Variants in COBL observed in about 807,000 individuals in gnomAD.
COBL encodes cordon-bleu WH2 repeat protein, also known as protein cordon-bleu.
A neutral mutation model predicts 98.8 loss-of-function variants in COBL; 51 were observed. That is an observed-to-expected ratio of 0.52 (90% CI 0.41 to 0.65). The LOEUF (loss-of-function observed/expected upper bound fraction) is 0.65, where lower values mean the gene tolerates loss of function less well. COBL is among the 30% of genes least tolerant of loss of function. The pLI is 0.00. For missense variants in COBL, 1,617 were observed against 1,617.5 expected (o/e 1.00, Z 0.01); for synonymous variants, 634 against 651.7 (o/e 0.97, Z 0.41).
intron 4 of COBL, among the ~76,000 whole-genome samples, 187 bp from the exon 5 acceptor site, chr7:51,184,386 A>G (rs910308272): frequency 1.3e-5 from 2 of 152,206 alleles, no homozygotes; most frequent in Non-Finnish European, 2.9e-5. Context: ...CATTTGGGAA[A>G]TCACTACAGG....
At chr7:51,082,177 T>A (rs1793718552) in intron 7 of COBL, among the ~76,000 whole-genome samples, 1 of 152,100 alleles carries the variant, frequency 6.6e-6, no homozygotes, top group Admixed American at 6.5e-5. Context: ...CAGAAAAGTA[T>A]GAACTTCCTA....
intron 7 of COBL, among the ~76,000 whole-genome samples, chr7:51,056,990 A>T (rs1267366381): frequency 6.6e-6 from 1 of 152,186 alleles, no homozygotes; most frequent in Non-Finnish European, 1.5e-5. Flanking sequence ...CCTTCTGAGT[A>T]GCCTGGTGAA....
chr7:51,184,667 T>C (rs1789314697), intron 4 of COBL, among the ~76,000 whole-genome samples: 1 of 152,226 alleles, frequency 6.6e-6, no homozygotes, highest in Admixed American at 6.5e-5. Flanking sequence ...ATATTTTACA[T>C]TGGTTTTGGT....
intron 1 of COBL, among the ~76,000 whole-genome samples, chr7:51,299,068 C>T (rs777971811): frequency 3.9e-5 from 6 of 152,174 alleles, no homozygotes; most frequent in Non-Finnish European, 8.8e-5. Context: ...GAGGTGTTGC[C>T]GGTGGGCACC....
At chr7:51,157,608 C>G (rs1384660075) in intron 5 of COBL, among the ~76,000 whole-genome samples, 1 of 152,182 alleles carries the variant, frequency 6.6e-6, no homozygotes, top group Non-Finnish European at 1.5e-5. Flanking sequence ...TCTCTTCTCC[C>G]TTTTCTTTTC....
At chr7:51,137,775 G>T (rs1290707695) in intron 5 of COBL, among the ~76,000 whole-genome samples, 1 of 152,128 alleles carries the variant, frequency 6.6e-6, no homozygotes, top group Non-Finnish European at 1.5e-5. Flanking sequence ...CTGGTAGGTG[G>T]AGGGCCCTTC....
At chr7:51,218,759 C>G (rs372674812) in intron 2 of COBL, among the ~76,000 whole-genome samples, 1 of 152,174 alleles carries the variant, frequency 6.6e-6, no homozygotes, top group South Asian at 2.1e-4. Flanking sequence ...TACAGGCCAC[C>G]GTGCCCAGCC....
In COBL at chr7:51,223,048, G is replaced by A. The variant is rs117023999; in HGVS notation, c.42-3104C>T. ...AGGTGGAGTCACGTGAATCACATAC[G>A]GTGTGTACTCCACCCTTCCCTCCAC... On this transcript the variant is annotated intron_variant, in intron 1 of 12. Transcript: ENST00000265136. Among the ~76,000 whole-genome samples the A allele has an allele frequency of 7.0e-4, 107 of 152,314 alleles. No homozygotes were observed. The East Asian group carries it at 0.017, about 24-fold the overall frequency.
intron 5 of COBL, among the ~76,000 whole-genome samples, chr7:51,177,805 A>C (rs966048624): frequency 4.0e-5 from 6 of 149,832 alleles, no homozygotes; most frequent in Non-Finnish European, 5.9e-5. Flanking sequence ...TAAATAAATA[A>C]ATAAATAAAT....
At chr7:51,295,688 G>T (rs532290126) in intron 1 of COBL, among the ~76,000 whole-genome samples, 17 of 152,272 alleles carry the variant, frequency 1.1e-4, no homozygotes, top group African/African-American at 4.1e-4. Flanking sequence ...CTGGCCTTCT[G>T]TAGGTCCCTA....
At chr7:51,193,354 T>C in intron 3 of COBL, 25 bp downstream of exon 3, 1 of 1,602,538 alleles carries the variant, frequency 6.2e-7, no homozygotes, top group Non-Finnish European at 8.5e-7. Flanking sequence ...CAGACACAGG[T>C]ATTTCCATGT....
chr7:51,289,890 G>C (rs1221866908), intron 1 of COBL, among the ~76,000 whole-genome samples: 1 of 152,214 alleles, frequency 6.6e-6, no homozygotes, highest in Non-Finnish European at 1.5e-5. Context: ...GCAGGACACA[G>C]ATTTGCTTTC....
chr7:51,202,370 A>T (rs575304980), intron 2 of COBL, among the ~76,000 whole-genome samples: 1 of 152,336 alleles, frequency 6.6e-6, no homozygotes, highest in East Asian at 1.9e-4. Context: ...TATTATAACA[A>T]TATGGTTACA....
At chr7:51,098,405 G>C (rs1312625808) in intron 6 of COBL, among the ~76,000 whole-genome samples, 1 of 151,886 alleles carries the variant, frequency 6.6e-6, no homozygotes, top group Non-Finnish European at 1.5e-5. Flanking sequence ...GTATGGTACT[G>C]ACATAGAGAA....
At chr7:51,301,344 T>G (rs563140075) in intron 1 of COBL, among the ~76,000 whole-genome samples, 10 of 152,312 alleles carry the variant, frequency 6.6e-5, no homozygotes, top group Admixed American at 6.5e-4. Context: ...CCTTCCTATC[T>G]GAGCAGGAGC....
At chr7:51,042,300 T>C (rs1304255191) in intron 8 of COBL, among the ~76,000 whole-genome samples, 1 of 152,222 alleles carries the variant, frequency 6.6e-6, no homozygotes, top group Non-Finnish European at 1.5e-5. Context: ...ATGTTCCATG[T>C]GTAAATAACT....
At chr7:51,209,649 G>C (rs1792220883) in intron 2 of COBL, among the ~76,000 whole-genome samples, 1 of 152,228 alleles carries the variant, frequency 6.6e-6, no homozygotes, top group African/African-American at 2.4e-5. Context: ...ACCACATCCT[G>C]TGTATCTGTG....
chr7:51,137,220 C>G (rs981005704), intron 5 of COBL, among the ~76,000 whole-genome samples: 2 of 152,178 alleles, frequency 1.3e-5, no homozygotes, highest in South Asian at 4.1e-4. Flanking sequence ...AGGGGTTAAG[C>G]CCACAGACCT....
chr7:51,190,863 CCA>C lies in COBL; in HGVS notation c.670_671del (p.Trp224GlyfsTer8). ...GCGGGGCCTCACCTCTTCTGTTGTC[CCA>C]CGCGTAGAGCTCCTTTATCCCGAGC... ...NELGIKELYA[W>X]DNRRETFRKS... On this transcript the variant is annotated frameshift_variant, in exon 4 of 13. Transcript: ENST00000265136. LOFTEE classifies it high-confidence loss of function. 2 of 1,613,806 alleles carry C rather than the reference CCA, an allele frequency of 1.2e-6. No individual in the cohort carries two copies. The highest frequency in any genetic ancestry group is 1.7e-6 in the Non-Finnish European group (2 of 1,179,882).
Sources: gnomAD v4.1 joint callset for allele counts (sites outside exome capture counted in the v4.1 genomes callset) on GRCh38, gnomAD v4.1.1 for gene constraint, MANE v1.5 for transcripts, NCBI Gene and HGNC (gene_info 2026-07-23, HGNC 2026-07-21) for gene names.